BTBD3: variants seen among roughly 807,000 people sequenced by gnomAD.
BTBD3 encodes the protein BTB domain containing 3, also known as BTB/POZ domain-containing protein 3.
BTBD3 carries 14 observed loss-of-function variants against 41.6 expected under a neutral mutation model. The ratio of observed to expected loss-of-function variants is 0.34; its 90% CI spans 0.22 to 0.53. BTBD3 has a LOEUF of 0.53. Ranked by LOEUF, BTBD3 falls within the 20% of genes least tolerant of loss-of-function variation. BTBD3 has a pLI of 0.95. For missense variants in BTBD3, 426 were observed against 654.7 expected (o/e 0.65, Z 3.81); for synonymous variants, 249 against 233.7 (o/e 1.07, Z -0.60).
In BTBD3 at chr20:11,923,175, C is replaced by A; in HGVS notation, c.1078C>A (p.Leu360Ile). Reference protein sequence around the residue: ...LWYTAAKKPELQFVSKARKGL... With the variant: ...LWYTAAKKPEIQFVSKARKGL... ...GTATACTGCAGCCAAAAAGCCTGAG[C>A]TTCAGTTTGTGAGTAAAGCCCGTAA... The change falls in exon 4 of 4, where the codon CTT (leucine) becomes ATT (isoleucine). Residue 360 changes from leucine (L) to isoleucine (I), a missense_variant. By Grantham distance (5) the Leu-to-Ile change is conservative (BLOSUM62 2). Around this residue, in one of 3 missense-constraint regions of BTBD3, gnomAD observed 321 missense variants for 534.8 expected, o/e 0.60. Coordinates refer to ENST00000378226, the MANE Select transcript of BTBD3 (RefSeq NM_014962.4). The surrounding 1 kb of genome is among the most constrained non-coding windows in gnomAD (Gnocchi z 5.3). 6.2e-7 allele frequency: 1 copy of A among 1,614,226 alleles called. No individual in the cohort carries two copies. The highest frequency in any genetic ancestry group is 8.5e-7 in the Non-Finnish European group (1 of 1,180,048).
At chr20:11,915,300 A>T (rs918911607), upstream of BTBD3, among the ~76,000 whole-genome samples, 29 of 152,138 alleles carry the variant, frequency 1.9e-4, no homozygotes, top group Admixed American at 1.8e-3. Flanking sequence ...CTAGAATTTG[A>T]CATTTGGGGC....
chr20:11,892,645 C>G (rs543142727), intron 1 of BTBD3: 1 of 152,250 alleles, frequency 6.6e-6, no homozygotes, highest in African/African-American at 2.4e-5. Context: ...CATGTTCTTT[C>G]TTGATTTCTC....
intron 1 of BTBD3, among the ~76,000 whole-genome samples, chr20:11,904,163 A>C (rs2056839805): frequency 6.6e-6 from 1 of 152,198 alleles, no homozygotes; most frequent in Admixed American, 6.5e-5. Flanking sequence ...TTTAATTTAT[A>C]AAGAAAAGAG....
intron 1 of BTBD3, among the ~76,000 whole-genome samples, chr20:11,910,718 C>A (rs981204374): frequency 1.3e-5 from 2 of 151,910 alleles, no homozygotes; most frequent in South Asian, 4.2e-4. Flanking sequence ...CAAATATTAC[C>A]CAGAGAGTTA....
chr20:11,912,905 A>G (rs1038033030), upstream of BTBD3, among the ~76,000 whole-genome samples: 1 of 152,198 alleles, frequency 6.6e-6, no homozygotes, highest in East Asian at 1.9e-4. Flanking sequence ...GAAAGCATAT[A>G]TAGTCTGTTT....
intron 1 of BTBD3, among the ~76,000 whole-genome samples, chr20:11,904,671 A>G (rs2056843182): frequency 6.6e-6 from 1 of 152,190 alleles, no homozygotes; most frequent in Non-Finnish European, 1.5e-5. Flanking sequence ...AAAATTAAGT[A>G]TTTATTTAAA....
At chr20:11,901,141 A>G (rs2056821574) in intron 1 of BTBD3, among the ~76,000 whole-genome samples, 1 of 152,212 alleles carries the variant, frequency 6.6e-6, no homozygotes, top group South Asian at 2.1e-4. Context: ...CAATAGAAAA[A>G]AATGGTGAGA....
intron 1 of BTBD3, among the ~76,000 whole-genome samples, chr20:11,902,165 G>T (rs189510518): frequency 6.6e-6 from 1 of 151,918 alleles, no homozygotes; most frequent in East Asian, 1.9e-4. Flanking sequence ...GTCAGTAAAC[G>T]CATATTTTGT....
chr20:11,904,742 AAAAG>A (rs2056843520), intron 1 of BTBD3, among the ~76,000 whole-genome samples: 1 of 152,224 alleles, frequency 6.6e-6, no homozygotes, highest in Non-Finnish European at 1.5e-5. Context: ...GTATAGCTGG[AAAAG>A]AATATTTTAA....
chr20:11,913,799 C>T (rs1394978439), upstream of BTBD3: 40 of 152,106 alleles, frequency 2.6e-4, no homozygotes, highest in Admixed American at 2.6e-3. Context: ...GACAAACCTT[C>T]CAGTGGTGAA....
intron 1 of BTBD3, among the ~76,000 whole-genome samples, chr20:11,906,254 C>CTTTTTTTTTTTTTTTTT (rs3071747): frequency 0.011 from 415 of 36,230 alleles, 119 homozygotes; most frequent in Non-Finnish European, 0.014. Flanking sequence ...ATTATTACTC[C>CTTTTTTTTTTTTTTTTT]TTTTTTTTTT....
rs116150182 is a variant in BTBD3, at chr20:11,919,850, G to T, written c.536+14G>T. The T allele has an allele frequency of 4.9e-5, 78 of 1,604,546 alleles. No individual in the cohort carries two copies. In the African/African-American group the frequency reaches 1.0e-3, roughly 21 times the overall value. On this transcript the variant is annotated intron_variant, in intron 3 of 3. Transcript: ENST00000378226. The stretch of plus-strand genomic sequence containing the variant: ...CGCTATGCTGAAGTAAGCATCATTC[G>T]TGTGTTTGGAAAGAGTTTGTTTATG...
rs2057014431 is a variant in BTBD3, at chr20:11,925,867, G to T, written c.*2201G>T. 1 of 152,550 alleles carries T rather than the reference G, an allele frequency of 6.6e-6. No homozygotes were observed. Among genetic ancestry groups the T allele is most frequent in the South Asian group, 2.1e-4 (1 of 4,820 alleles). 9.4% of individuals were successfully genotyped at this position (152,550 alleles called of 1,614,324 possible). On this transcript the variant is annotated 3_prime_UTR_variant, in exon 4 of 4. Transcript: ENST00000378226. ...CCTCCATGTGACTAGTGAGCTGCTG[G>T]TGAAAGTCGTGTGAAATCCTGTACA...
At chr20:11,897,598 T>G (rs897170873) in intron 1 of BTBD3, among the ~76,000 whole-genome samples, 3 of 151,022 alleles carry the variant, frequency 2.0e-5, no homozygotes, top group African/African-American at 4.9e-5. Context: ...TCAAAATGTA[T>G]CCAGAATCAG....
upstream of BTBD3, among the ~76,000 whole-genome samples, chr20:11,914,641 AAAAAG>A (rs1455073242): frequency 6.6e-6 from 1 of 152,064 alleles, no homozygotes; most frequent in Non-Finnish European, 1.5e-5. Flanking sequence ...AAAATAAAAA[AAAAAG>A]AAAAGAACCT....
At chr20:11,910,010 T>G (rs2056879662) in intron 1 of BTBD3, 1 of 152,336 alleles carries the variant, frequency 6.6e-6, no homozygotes, top group East Asian at 1.9e-4. Flanking sequence ...GAAATTTGGC[T>G]GTGATACTTG....
chr20:11,912,171 C>G (rs1398832558), intron 1 of BTBD3, among the ~76,000 whole-genome samples: 2 of 152,180 alleles, frequency 1.3e-5, no homozygotes, highest in Admixed American at 1.3e-4. Flanking sequence ...CCTTAGTTAT[C>G]AACCTTGGTG....
In BTBD3 at chr20:11,924,417, G is replaced by A. The variant is rs2057000904; in HGVS notation, c.*751G>A. 2.6e-5 allele frequency: 4 copies of A among 152,196 alleles called. No individual in the cohort carries two copies. The South Asian group carries it at 8.3e-4, about 32-fold the overall frequency. The allele number at this position is 152,196 out of a possible 1,614,324, so 9.4% of individuals were successfully genotyped here. A position where few individuals can be genotyped will look rare whatever the true frequency, so the allele number is the denominator to read the frequency against. Reference sequence around the variant, plus strand: ...TAGATTTTATTGTCAGTAGAAAAAAGTTAAACTCCTACTAATTTAAACTAA... The same window carrying A: ...TAGATTTTATTGTCAGTAGAAAAAAATTAAACTCCTACTAATTTAAACTAA... On this transcript the variant is annotated 3_prime_UTR_variant, in exon 4 of 4. Transcript: ENST00000378226.
chr20:11,918,022 A>G lies in BTBD3; in HGVS notation c.-254A>G. ...GTGTAGCATTTTCAGGTGATCTAGG[A>G]AACAGTTATTTTTATGAGCAAATAA... On this transcript the variant is annotated 5_prime_UTR_variant, in exon 1 of 4. Coordinates refer to ENST00000378226, the MANE Select transcript of BTBD3 (RefSeq NM_014962.4). 1 of 1,220,424 alleles carries G rather than the reference A, an allele frequency of 8.2e-7. No homozygotes were observed. 75.6% of individuals were successfully genotyped at this position (1,220,424 alleles called of 1,614,324 possible).
Sources: gnomAD v4.1 joint callset for allele counts (sites outside exome capture counted in the v4.1 genomes callset) on GRCh38, gnomAD v4.1.1 for gene constraint, gnomAD v4.1.1 regional missense constraint, Gnocchi (gnomAD v3.1) non-coding constraint, MANE v1.5 for transcripts, NCBI Gene and HGNC (gene_info 2026-07-23, HGNC 2026-07-21) for gene names.